Variants in GALNTL6 observed in about 807,000 individuals in gnomAD.
GALNTL6 encodes polypeptide N-acetylgalactosaminyltransferase like 6, also known as polypeptide N-acetylgalactosaminyltransferase-like 6.
GALNTL6 carries 46 observed loss-of-function variants against 73.7 expected under a neutral mutation model. The ratio of observed to expected loss-of-function variants is 0.62; its 90% CI spans 0.49 to 0.80. GALNTL6 has a LOEUF of 0.80. Among genes scored for constraint, GALNTL6 ranks in the 30% least tolerant of loss-of-function variants. GALNTL6 has a pLI of 0.00. For synonymous variants in GALNTL6, 259 were observed against 263.7 expected (o/e 0.98, Z 0.17); for missense variants, 604 against 755.0 (o/e 0.80, Z 2.34).
intron 5 of GALNTL6, among the ~76,000 whole-genome samples, chr4:172,622,273 C>G (rs900617950): frequency 1.3e-5 from 2 of 152,080 alleles, no homozygotes; most frequent in Admixed American, 1.3e-4. Flanking sequence ...TTTGTCACAA[C>G]TAAAGTTTCC....
chr4:172,283,221 G>A (rs1013131922), intron 3 of GALNTL6, among the ~76,000 whole-genome samples: 1 of 152,122 alleles, frequency 6.6e-6, no homozygotes, highest in East Asian at 1.9e-4. Context: ...ATCACCTCAC[G>A]AGGAAGTGTG....
intron 4 of GALNTL6, among the ~76,000 whole-genome samples, chr4:172,335,677 C>G (rs887289048): frequency 2.0e-5 from 3 of 152,024 alleles, no homozygotes; most frequent in African/African-American, 4.8e-5. Flanking sequence ...ATCTGGGGAG[C>G]TTGTATGTTT....
In GALNTL6 at chr4:172,845,285, A is replaced by G. The variant is rs369127510; in HGVS notation, c.923+31562A>G. 1.4e-4 allele frequency among the ~76,000 whole-genome samples: 21 copies of G among 152,214 alleles called. No individual in the cohort carries two copies. In the East Asian group the frequency reaches 4.0e-3, roughly 29 times the overall value. ...GATTCACCTTATTCACATACTCATG[A>G]GAATCAATTGCGTAAAAAACTCCTA... On this transcript the variant is annotated intron_variant, in intron 7 of 12. Transcript: ENST00000506823.
chr4:172,193,232 G>A (rs1012673227), intron 2 of GALNTL6, among the ~76,000 whole-genome samples: 9 of 152,164 alleles, frequency 5.9e-5, no homozygotes, highest in South Asian at 4.1e-4. Flanking sequence ...ACCCCCCACC[G>A]ACAGGGGTCA....
At chr4:172,299,284 G>T (rs556145184) in intron 3 of GALNTL6, among the ~76,000 whole-genome samples, 15 of 152,148 alleles carry the variant, frequency 9.9e-5, no homozygotes, top group Admixed American at 9.8e-4. Flanking sequence ...CTTGCTAGTG[G>T]TCTATCAATG....
At chr4:172,392,038 G>A (rs1455416842) in intron 5 of GALNTL6, among the ~76,000 whole-genome samples, 2 of 152,082 alleles carry the variant, frequency 1.3e-5, no homozygotes, top group East Asian at 3.9e-4. Flanking sequence ...GCCCAGGCTG[G>A]AATGCAGTGG....
intron 5 of GALNTL6, among the ~76,000 whole-genome samples, chr4:172,760,757 C>T (rs890961884): frequency 6.6e-6 from 1 of 152,120 alleles, no homozygotes; most frequent in Non-Finnish European, 1.5e-5. Flanking sequence ...ACCCTGATCC[C>T]TCGCCCCACC....
intron 11 of GALNTL6, among the ~76,000 whole-genome samples, chr4:173,010,609 G>T (rs1224390507): frequency 6.6e-6 from 1 of 151,136 alleles, no homozygotes; most frequent in Non-Finnish European, 1.5e-5. Flanking sequence ...GTTTTGTTTT[G>T]TTTTTAAACG....
intron 5 of GALNTL6, among the ~76,000 whole-genome samples, chr4:172,595,052 T>G (rs900935771): frequency 1.3e-5 from 2 of 152,062 alleles, no homozygotes; most frequent in Non-Finnish European, 2.9e-5. Flanking sequence ...AGAAGAGGAG[T>G]AGAGAACTTT....
At chr4:172,758,605 G>A (rs974517876) in intron 5 of GALNTL6, among the ~76,000 whole-genome samples, 1 of 152,150 alleles carries the variant, frequency 6.6e-6, no homozygotes, top group South Asian at 2.1e-4. Context: ...ATCTAAATTT[G>A]TTGCTGAAGT....
intron 5 of GALNTL6, among the ~76,000 whole-genome samples, chr4:172,722,282 T>C (rs1296330945): frequency 6.6e-6 from 1 of 152,188 alleles, no homozygotes; most frequent in Admixed American, 6.5e-5. Flanking sequence ...ATTTCTTAAG[T>C]GAAACTTGTA....
chr4:172,869,554 G>A (rs892277678), intron 7 of GALNTL6, among the ~76,000 whole-genome samples: 10 of 152,290 alleles, frequency 6.6e-5, no homozygotes, highest in South Asian at 6.2e-4. Flanking sequence ...CCCCACATCC[G>A]TCTGGTTCCC....
chr4:172,429,219 T>TTTTATTTTATTTTA (rs1216085848), intron 5 of GALNTL6, among the ~76,000 whole-genome samples: 2 of 150,332 alleles, frequency 1.3e-5, no homozygotes, highest in Non-Finnish European at 3.0e-5. Flanking sequence ...TTTTATTTTA[T>TTTTATTTTATTTTA]TTTATTTTTT....
intron 2 of GALNTL6, among the ~76,000 whole-genome samples, chr4:172,039,090 G>T (rs1272694717): frequency 6.6e-6 from 1 of 151,962 alleles, no homozygotes; most frequent in African/African-American, 2.4e-5. Context: ...ACTGATCATG[G>T]GTCATATTTC....
In GALNTL6 at chr4:172,736,537, G is replaced by A. The variant is rs192577559; in HGVS notation, c.554-72824G>A. Among the ~76,000 whole-genome samples, 444 of 152,216 alleles carry A rather than the reference G, an allele frequency of 2.9e-3. 2 individuals carry two copies. Among genetic ancestry groups the A allele is most frequent in the Non-Finnish European group, 2.9e-3 (195 of 68,024 alleles). ...TTTACAAACAATTTGTGCAGATAACGCAATCATCACAGGGTCCTGAGGTGA... is the reference window on the plus strand; with the variant it reads ...TTTACAAACAATTTGTGCAGATAACACAATCATCACAGGGTCCTGAGGTGA... On this transcript the variant is annotated intron_variant, in intron 5 of 12. Coordinates refer to ENST00000506823, the MANE Select transcript of GALNTL6 (RefSeq NM_001034845.3).
In GALNTL6 at chr4:172,485,303, C is replaced by T. The variant is rs139982302; in HGVS notation, c.553+136614C>T. Among the ~76,000 whole-genome samples, 898 of 151,762 alleles carry T rather than the reference C, an allele frequency of 5.9e-3. 7 individuals carry two copies. Among genetic ancestry groups the T allele is most frequent in the East Asian group, 0.036 (187 of 5,174 alleles). ...AATTGCAGATCCTGAAAGAGACAGA[C>T]GATAAACAGTTCAATTTTGTGATTT... is the stretch of plus-strand genomic sequence containing the variant. On this transcript the variant is annotated intron_variant, in intron 5 of 12. Transcript: ENST00000506823.
intron 5 of GALNTL6, among the ~76,000 whole-genome samples, chr4:172,593,947 A>G (rs1435267243): frequency 6.6e-6 from 1 of 152,154 alleles, no homozygotes; most frequent in African/African-American, 2.4e-5. Context: ...TGAAAAAATT[A>G]CTATTCCAGC....
intron 7 of GALNTL6, among the ~76,000 whole-genome samples, chr4:172,861,041 G>A (rs1350586): frequency 0.61 from 92,473 of 152,084 alleles, 31,430 homozygotes; most frequent in East Asian, 0.91. Flanking sequence ...TCAAGGCATC[G>A]TGCTTAGCTT....
At chr4:172,612,585 G>T (rs985904744) in intron 5 of GALNTL6, among the ~76,000 whole-genome samples, 1 of 151,990 alleles carries the variant, frequency 6.6e-6, no homozygotes, top group Non-Finnish European at 1.5e-5. Flanking sequence ...CAGGGAAATG[G>T]GTGTTCTCAT....
Sources: gnomAD v4.1 joint callset for allele counts (sites outside exome capture counted in the v4.1 genomes callset) on GRCh38, gnomAD v4.1.1 for gene constraint, MANE v1.5 for transcripts, NCBI Gene and HGNC (gene_info 2026-07-23, HGNC 2026-07-21) for gene names.